RTL4: variants seen among roughly 807,000 people sequenced by gnomAD.
RTL4 encodes the protein retrotransposon Gag like 4.
RTL4 carries 4 observed loss-of-function variants against 5.3 expected under a neutral mutation model. That is an observed-to-expected ratio of 0.75 (90% CI 0.37 to 1.72). The LOEUF (loss-of-function observed/expected upper bound fraction) is 1.72. RTL4 is among the 40% of genes most tolerant of loss of function. The pLI, the probability that RTL4 is intolerant of heterozygous loss-of-function variation, is 0.04. For synonymous variants in RTL4, 98 were observed against 87.3 expected (o/e 1.12, Z -0.68); for missense variants, 260 against 227.1 (o/e 1.14, Z -0.93).
chrX:112,271,083 A>C, the RTL4 span, among the ~76,000 whole-genome samples: 1 of 110,085 alleles, frequency 9.1e-6, no homozygotes, highest in South Asian at 3.9e-4. Flanking sequence ...CCACAATGGA[A>C]CAACAGTAGT....
At chrX:112,208,026 G>A in the RTL4 span, among the ~76,000 whole-genome samples, 1 of 111,635 alleles carries the variant, frequency 9.0e-6, no homozygotes, top group Non-Finnish European at 1.9e-5. Context: ...TTAGACCAGG[G>A]CATTGTTCAA....
chrX:112,349,629 T>C, the RTL4 span, among the ~76,000 whole-genome samples: 1 of 99,100 alleles, frequency 1.0e-5, no homozygotes, highest in African/African-American at 3.7e-5. Context: ...GAAGCAATTG[T>C]GAATGGGAGT....
the RTL4 span, among the ~76,000 whole-genome samples, chrX:112,385,231 CTTTTT>C: frequency 9.2e-6 from 1 of 108,679 alleles, no homozygotes; most frequent in African/African-American, 3.3e-5. Context: ...ATTTTTTTTT[CTTTTT>C]TAAGATTATG....
At chrX:112,137,337 C>A in the RTL4 span, among the ~76,000 whole-genome samples, 1 of 111,783 alleles carries the variant, frequency 8.9e-6, no homozygotes, top group African/African-American at 3.2e-5. Flanking sequence ...GTGTATTAGT[C>A]CGTTTCACAC....
At chrX:112,102,759 A>G in the RTL4 span, among the ~76,000 whole-genome samples, 8 of 112,143 alleles carry the variant, frequency 7.1e-5, no homozygotes, top group African/African-American at 2.6e-4. Flanking sequence ...CCCCATTAAA[A>G]AGTGGGCAAA....
chrX:112,438,155 C>T, the RTL4 span, among the ~76,000 whole-genome samples: 3 of 111,139 alleles, frequency 2.7e-5, no homozygotes, highest in Non-Finnish European at 5.7e-5. Flanking sequence ...GTGGTTCTAG[C>T]TCAGGGTCTC....
chrX:112,337,139 C>A, the RTL4 span, among the ~76,000 whole-genome samples: 23 of 111,871 alleles, frequency 2.1e-4, no homozygotes, highest in East Asian at 6.5e-3. Context: ...CAAAGTATGT[C>A]GCTTTGATTT....
the RTL4 span, among the ~76,000 whole-genome samples, chrX:112,347,541 T>G: frequency 9.0e-6 from 1 of 111,430 alleles, no homozygotes; most frequent in Non-Finnish European, 1.9e-5. Context: ...AAAATCCAGG[T>G]GGACTGAGAT....
At chrX:112,253,779 G>A in the RTL4 span, among the ~76,000 whole-genome samples, 1 of 112,238 alleles carries the variant, frequency 8.9e-6, no homozygotes, top group East Asian at 2.8e-4. Context: ...GGTTTGGCCT[G>A]CCCAGCCCAG....
At chrX:112,429,837 T>A in the RTL4 span, among the ~76,000 whole-genome samples, 1 of 110,360 alleles carries the variant, frequency 9.1e-6, no homozygotes, top group Non-Finnish European at 1.9e-5. Context: ...GGGAGAGGAG[T>A]TTTCTGTTAA....
the RTL4 span, among the ~76,000 whole-genome samples, chrX:112,396,374 CT>C: frequency 2.7e-5 from 3 of 111,607 alleles, no homozygotes; most frequent in Admixed American, 2.9e-4. Context: ...ATCAGTGCCT[CT>C]TTTTGCAATA....
At chrX:112,212,114 C>A in the RTL4 span, among the ~76,000 whole-genome samples, 1 of 112,615 alleles carries the variant, frequency 8.9e-6, no homozygotes, top group Non-Finnish European at 1.9e-5. Flanking sequence ...CGGTGGCTCA[C>A]GCCTGTAATC....
At chrX:112,348,491 A>C in the RTL4 span, among the ~76,000 whole-genome samples, 207 of 108,683 alleles carry the variant, frequency 1.9e-3, no homozygotes, top group African/African-American at 6.5e-3. Flanking sequence ...GACAATTAAA[A>C]ACACACACAC....
chrX:112,422,850 G>A, the RTL4 span, among the ~76,000 whole-genome samples: 1 of 110,635 alleles, frequency 9.0e-6, no homozygotes, highest in Admixed American at 9.7e-5. Context: ...TGCATCCTTG[G>A]TTATAGTTTT....
chrX:112,199,288 CA>C, the RTL4 span, among the ~76,000 whole-genome samples: 1,048 of 34,161 alleles, frequency 0.031, 2 homozygotes, highest in Non-Finnish European at 0.047. Context: ...GGCTCCGTCT[CA>C]AAAAAAAAAA....
At chrX:112,150,995 TG>T in the RTL4 span, among the ~76,000 whole-genome samples, 1 of 112,522 alleles carries the variant, frequency 8.9e-6, no homozygotes, top group African/African-American at 3.2e-5. Context: ...CAGGAGCTTC[TG>T]AGGATCCCTC....
At chrX:112,178,660 T>C in the RTL4 span, among the ~76,000 whole-genome samples, 4 of 112,100 alleles carry the variant, frequency 3.6e-5, no homozygotes, top group African/African-American at 1.3e-4. Flanking sequence ...GTATCACAGA[T>C]ACTGATTTAT....
the RTL4 span, among the ~76,000 whole-genome samples, chrX:112,150,174 T>C: frequency 9.0e-6 from 1 of 111,582 alleles, no homozygotes; most frequent in South Asian, 3.8e-4. Context: ...TGCTAGCCTG[T>C]AAACCTTGTG....
the RTL4 span, among the ~76,000 whole-genome samples, chrX:112,333,149 T>A: frequency 9.0e-5 from 10 of 110,763 alleles, no homozygotes; most frequent in Non-Finnish European, 1.7e-4. Flanking sequence ...TATGTATTAC[T>A]TTTTCACTCT....
Sources: allele counts gnomAD v4.1 joint callset (sites outside exome capture counted in the v4.1 genomes callset), GRCh38; gene constraint gnomAD v4.1.1; transcripts MANE v1.5; gene names NCBI Gene and HGNC (gene_info 2026-07-23, HGNC 2026-07-21).